TNRC18: variants seen among roughly 807,000 people sequenced by gnomAD.
TNRC18 encodes the protein trinucleotide repeat containing 18, also known as trinucleotide repeat-containing gene 18 protein.
A neutral mutation model predicts 226.7 loss-of-function variants in TNRC18; 69 were observed. That is an observed-to-expected ratio of 0.30 (90% CI 0.25 to 0.37). The LOEUF is 0.37. Ranked by LOEUF, TNRC18 falls within the 10% of genes least tolerant of loss-of-function variation. TNRC18 has a pLI of 1.00. For missense variants in TNRC18, 4,754 were observed against 4,256.6 expected, an observed-to-expected ratio of 1.12 and a Z score of -3.25; for synonymous variants, 2,449 against 1,927.6, an observed-to-expected ratio of 1.27 and a Z score of -7.09.
At chr7:5,380,593 G>A (rs1237488637) in intron 5 of TNRC18, among the ~76,000 whole-genome samples, 1 of 152,178 alleles carries the variant, frequency 6.6e-6, no homozygotes, top group Non-Finnish European at 1.5e-5. Context: ...GTTGACGAGG[G>A]CGCCTGGACA....
In TNRC18 at chr7:5,366,318, C is replaced by CTTTTTTTTTTTTT. The variant is rs202053648; in HGVS notation, c.4220-3506_4220-3494dup. 1.6e-3 allele frequency among the ~76,000 whole-genome samples: 113 copies of CTTTTTTTTTTTTT among 70,478 alleles called. 20 individuals are homozygous for CTTTTTTTTTTTTT. Among genetic ancestry groups the CTTTTTTTTTTTTT allele is most frequent in the African/African-American group, 2.6e-3 (42 of 15,854 alleles). 46.2% of individuals were successfully genotyped at this position (70,478 alleles called of 152,430 possible). On this transcript the variant is annotated intron_variant, in intron 11 of 29. Transcript: ENST00000430969. ...AATGCTTGTTTTGCTCTTCTTATAT[C>CTTTTTTTTTTTTT]TTTTTTTTTTTTTTTTTTTTTTTTT... is the stretch of plus-strand genomic sequence containing the variant.
intron 11 of TNRC18, among the ~76,000 whole-genome samples, chr7:5,365,824 T>C (rs1415276941): frequency 4.0e-5 from 6 of 151,742 alleles, no homozygotes; most frequent in Non-Finnish European, 8.8e-5. Flanking sequence ...AATCCCAGCA[T>C]TTTGGGAGGC....
chr7:5,353,260 G>A (rs567909477), intron 16 of TNRC18, among the ~76,000 whole-genome samples: 33 of 152,296 alleles, frequency 2.2e-4, no homozygotes, highest in Admixed American at 3.9e-4. Context: ...AGGGAGGTCG[G>A]GTGCAATGGC....
In TNRC18 at chr7:5,376,889, C is replaced by A. The variant is rs1306010362; in HGVS notation, c.2566G>T (p.Gly856Cys). ...TCACTGGGAATGACCACCAGCTGGC[C>A]CGATTGGGGGTCCCTGACAAACTGG... Reference protein sequence around the residue: ...AYQFVRDPQSGQLVVIPSDHL... With the variant: ...AYQFVRDPQSCQLVVIPSDHL... The change falls in exon 8 of 30, where the codon GGC becomes TGC. Residue 856 changes from glycine to cysteine, a missense_variant. Physicochemically the swap from Gly to Cys is radical, Grantham distance 159 (BLOSUM62 -3). Coordinates refer to ENST00000430969, the MANE Select transcript of TNRC18 (RefSeq NM_001080495.3). The A allele has an allele frequency of 2.5e-6, 4 of 1,610,976 alleles. No individual in the cohort carries two copies. The East Asian group carries it at 6.7e-5, about 27-fold the overall frequency.
At chr7:5,363,912 C>T (rs1406401374) in intron 11 of TNRC18, among the ~76,000 whole-genome samples, 1 of 152,086 alleles carries the variant, frequency 6.6e-6, no homozygotes, top group Non-Finnish European at 1.5e-5. Flanking sequence ...GTCCCTCCCT[C>T]GGGAGGCTAC....
At chr7:5,408,331 A>C (rs1347090531) in intron 2 of TNRC18, among the ~76,000 whole-genome samples, 1 of 150,940 alleles carries the variant, frequency 6.6e-6, no homozygotes, top group Non-Finnish European at 1.5e-5. Context: ...ACGAAAGCAA[A>C]ATAGGAGAGA....
At chr7:5,399,915 G>A (rs547636601) in intron 2 of TNRC18, among the ~76,000 whole-genome samples, 3 of 151,844 alleles carry the variant, frequency 2.0e-5, no homozygotes, top group South Asian at 2.1e-4. Context: ...GGTGGCAGGC[G>A]CCTATAGTCC....
Position 5,376,172 on chromosome 7 carries a change from C to A in TNRC18, c.2661G>T (p.Pro887=). The change falls in exon 9 of 30, where the codon CCG becomes CCT. Residue 887 remains proline, a synonymous_variant. Coordinates refer to ENST00000430969, the MANE Select transcript of TNRC18 (RefSeq NM_001080495.3). The part of the protein sequence containing the change: ...TVPPLWPALY[P]PGRSPLHHAQ... ...CGTGGTGCAGGGGGCTGCGGCCCGG[C>A]GGGTACAGGGCGGGCCAGAGGGGCG... 1 of 1,573,400 alleles carries A rather than the reference C, an allele frequency of 6.4e-7. No individual in the cohort carries two copies. The highest frequency in any genetic ancestry group is 8.6e-7 in the Non-Finnish European group (1 of 1,160,676).
At position 5,370,505 on chromosome 7, in the gene TNRC18, A is replaced by G. The variant is rs1192289062; in HGVS notation, c.4089T>C (p.Ala1363=). Residue 1363 remains alanine (A), a synonymous_variant, in exon 11 of 30, where the codon GCT becomes GCC. Transcript: ENST00000430969. ...CCAGCTTCTCCAAGGCCTGGGCTCC[A>G]GCAGCACCCGGGGAGGGCAGAGGCC... The part of the protein sequence containing the change: ...QARPLPSPGA[A]GAQALEKLEA... 1.3e-6 allele frequency: 2 copies of G among 1,595,722 alleles called. No homozygotes were observed. The highest frequency in any genetic ancestry group is 1.3e-5 in the African/African-American group (1 of 74,548).
In TNRC18 at chr7:5,312,844, C is replaced by T. The variant is rs1306379608; in HGVS notation, c.8047G>A (p.Asp2683Asn). 8 of 1,525,024 alleles carry T rather than the reference C, an allele frequency of 5.2e-6. No individual in the cohort carries two copies. The highest frequency in any genetic ancestry group is 7.0e-6 in the Non-Finnish European group (8 of 1,137,008). 94.5% of individuals were successfully genotyped at this position (1,525,024 alleles called of 1,614,324 possible). A position where few individuals can be genotyped will look rare whatever the true frequency, so the allele number is the denominator to read the frequency against. Residue 2683 changes from aspartate to asparagine, a missense_variant, in exon 27 of 30, where the codon GAT becomes AAT. Transcript: ENST00000430969. This position sits in a 1 kb window ranked among gnomAD's most constrained non-coding sequence, Gnocchi z 6.3. Reference sequence around the variant, plus strand: ...GCCGTGGGGGCGGGGGCTGCCTCATCGTCCGAGCTGCAGGAAGAGTCCTCG... The same window carrying T: ...GCCGTGGGGGCGGGGGCTGCCTCATTGTCCGAGCTGCAGGAAGAGTCCTCG... ...TDEDSSCSSD[D>N]EAAPAPTAGP...
At chr7:5,346,910 A>T (rs1360472249) in intron 17 of TNRC18, among the ~76,000 whole-genome samples, 1 of 152,148 alleles carries the variant, frequency 6.6e-6, no homozygotes, top group Non-Finnish European at 1.5e-5. Flanking sequence ...TGCTGTCCCC[A>T]TGCCCAGGGA....
At position 5,361,510 on chromosome 7, in the gene TNRC18, C is replaced by A. The variant is rs1026781739; in HGVS notation, c.4661+84G>T. ...CCGAGGGACGCGAGGTCCCCCAGCA[C>A]CCCGAGGCAGGCCCTGCGTGGGGCC... On this transcript the variant is annotated intron_variant, in intron 14 of 29. Transcript: ENST00000430969. 2.8e-6 allele frequency: 4 copies of A among 1,407,890 alleles called. No individual in the cohort carries two copies. The African/African-American group carries it at 4.5e-5, about 16-fold the overall frequency. 87.2% of individuals were successfully genotyped at this position (1,407,890 alleles called of 1,614,324 possible).
intron 16 of TNRC18, among the ~76,000 whole-genome samples, chr7:5,354,902 T>C (rs779018507): frequency 4.0e-4 from 61 of 152,298 alleles, no homozygotes; most frequent in Non-Finnish European, 7.5e-4. Context: ...TAAGAAAACA[T>C]GCTTTACGGT....
chr7:5,403,061 C>A (rs900306520), intron 2 of TNRC18, among the ~76,000 whole-genome samples: 1 of 152,062 alleles, frequency 6.6e-6, no homozygotes, highest in African/African-American at 2.4e-5. Flanking sequence ...CTTCTCCACT[C>A]AGCCGCACCA....
At chr7:5,317,006 G>C (rs1324510164) in intron 24 of TNRC18, among the ~76,000 whole-genome samples, 1 of 152,100 alleles carries the variant, frequency 6.6e-6, no homozygotes, top group African/African-American at 2.4e-5. Flanking sequence ...GCGCAGGGAG[G>C]AGGTTGGACA....
intron 16 of TNRC18, among the ~76,000 whole-genome samples, chr7:5,352,862 CAG>C (rs1791970182): frequency 1.3e-5 from 2 of 152,396 alleles, no homozygotes; most frequent in East Asian, 1.9e-4. Context: ...GATGGGAAGA[CAG>C]GGGTTCCAGA....
chr7:5,415,913 C>A (rs1185089648), intron 2 of TNRC18, among the ~76,000 whole-genome samples: 6 of 147,188 alleles, frequency 4.1e-5, no homozygotes, highest in African/African-American at 1.5e-4. Context: ...TCGAGACCAG[C>A]CTGGCCAACA....
Position 5,321,335 on chromosome 7 carries a change from C to T in TNRC18, c.6443-145G>A, listed in dbSNP as rs62443166. On this transcript the variant is annotated intron_variant, in intron 21 of 29. Transcript: ENST00000430969. Reference sequence around the variant, plus strand: ...TGGGGCTGAGACGTGTGCACTTCTTCGTCTGCCTGTGTGTGTACCCGTGCA... The same window carrying T: ...TGGGGCTGAGACGTGTGCACTTCTTTGTCTGCCTGTGTGTGTACCCGTGCA... The T allele has an allele frequency of 0.082, 49,122 of 598,668 alleles. 2,644 individuals carry two copies. The highest frequency in any genetic ancestry group is 0.15 in the South Asian group (7,996 of 52,010). The allele number at this position is 598,668 out of a possible 1,614,324, so 37.1% of individuals were successfully genotyped here.
At position 5,389,059 on chromosome 7, in the gene TNRC18, G is replaced by A. The variant is rs1218221046; in HGVS notation, c.765C>T (p.Pro255=). ...GCGACAGGCGCTCAGCCAGGCGCGG[G>A]GGCCCCCGGTCCTGGCGGCCCTCGG... The part of the protein sequence containing the change: ...ARAEGRQDRG[P]PRLAERLSPF... The change falls in exon 5 of 30, where the codon CCC becomes CCT. Residue 255 remains proline, a synonymous_variant. Transcript: ENST00000430969. 7.0e-6 allele frequency: 9 copies of A among 1,285,448 alleles called. No homozygotes were observed. The highest frequency in any genetic ancestry group is 7.4e-5 in the East Asian group (2 of 27,000). 79.6% of individuals were successfully genotyped at this position (1,285,448 alleles called of 1,614,324 possible).
Sources: allele counts gnomAD v4.1 joint callset (sites outside exome capture counted in the v4.1 genomes callset), GRCh38; gene constraint gnomAD v4.1.1; non-coding constraint Gnocchi (gnomAD v3.1); transcripts MANE v1.5; gene names NCBI Gene and HGNC (gene_info 2026-07-23, HGNC 2026-07-21).